The following SGCD variants were observed in gnomAD, a reference collection of about 807,000 sequenced individuals.
SGCD encodes sarcoglycan delta.
Under a neutral mutation model 36.6 loss-of-function variants are expected in SGCD, and 18 were observed. That is an observed-to-expected ratio of 0.49 (90% CI 0.34 to 0.73). SGCD has a LOEUF of 0.73. Among genes scored for constraint, SGCD ranks in the 30% least tolerant of loss-of-function variants. SGCD has a pLI of 0.01. For missense variants in SGCD, 387 were observed against 346.7 expected (o/e 1.12, Z -0.92); for synonymous variants, 133 against 130.6 (o/e 1.02, Z -0.12).
rs914102842 is a variant in SGCD, at chr5:156,764,243, C to A, written c.*4853C>A. 4.6e-5 allele frequency: 7 copies of A among 152,572 alleles called. No homozygotes were observed. Among genetic ancestry groups the A allele is most frequent in the African/African-American group, 1.7e-4 (7 of 41,436 alleles). 9.5% of individuals were successfully genotyped at this position (152,572 alleles called of 1,614,324 possible). A position where few individuals can be genotyped will look rare whatever the true frequency, so the allele number is the denominator to read the frequency against. On this transcript the variant is annotated 3_prime_UTR_variant, in exon 9 of 9. Coordinates refer to ENST00000337851, the MANE Select transcript of SGCD (RefSeq NM_000337.6). ...ATCACTATCTCCGTGGTGGAAGGTT[C>A]CCCTAGTTCCAACATATTTCCATTA...
intron 3 of SGCD, among the ~76,000 whole-genome samples, chr5:156,240,078 T>A (rs1765271062): frequency 6.6e-6 from 1 of 152,178 alleles, no homozygotes; most frequent in Admixed American, 6.5e-5. Flanking sequence ...CCTTACCCAG[T>A]GCTGTGCTTT....
At chr5:156,723,353 G>A (rs938058205) in intron 7 of SGCD, among the ~76,000 whole-genome samples, 3 of 152,136 alleles carry the variant, frequency 2.0e-5, no homozygotes, top group African/African-American at 4.8e-5. Context: ...GAGTTTCAAC[G>A]GTGAGCATTC....
intron 3 of SGCD, among the ~76,000 whole-genome samples, chr5:156,228,750 G>A (rs1050607497): frequency 1.4e-5 from 2 of 146,658 alleles, no homozygotes; most frequent in Non-Finnish European, 1.5e-5. Flanking sequence ...TCATAGATTC[G>A]GTGAGATTTA....
intron 3 of SGCD, among the ~76,000 whole-genome samples, chr5:156,223,687 T>G (rs938378251): frequency 3.9e-5 from 6 of 151,974 alleles, no homozygotes; most frequent in Non-Finnish European, 7.4e-5. Context: ...GGGCTGACAT[T>G]AGTGATGCCT....
chr5:156,676,196 T>C (rs1753500948), intron 7 of SGCD, among the ~76,000 whole-genome samples: 1 of 152,228 alleles, frequency 6.6e-6, no homozygotes, highest in South Asian at 2.1e-4. Context: ...TTGTGTTCTT[T>C]ACCCTGAAAG....
intron 6 of SGCD, among the ~76,000 whole-genome samples, chr5:156,630,215 C>G (rs1762581800): frequency 6.6e-6 from 1 of 152,102 alleles, no homozygotes; most frequent in Non-Finnish European, 1.5e-5. Flanking sequence ...ATACAAATGC[C>G]AAAGACTGGA....
intron 1 of SGCD, among the ~76,000 whole-genome samples, chr5:155,874,456 G>A (rs1755723897): frequency 6.6e-6 from 1 of 151,790 alleles, no homozygotes; most frequent in Admixed American, 6.6e-5. Context: ...TAAAAGCCTC[G>A]GTTAAAAAAA....
chr5:156,146,298 A>G (rs988667670), intron 3 of SGCD, among the ~76,000 whole-genome samples: 3 of 152,220 alleles, frequency 2.0e-5, no homozygotes, highest in Non-Finnish European at 2.9e-5. Flanking sequence ...TCATCTTAGC[A>G]TACTACCTGG....
chr5:155,936,832 C>T (rs1388178352), intron 1 of SGCD, among the ~76,000 whole-genome samples: 1 of 152,226 alleles, frequency 6.6e-6, no homozygotes, highest in Non-Finnish European at 1.5e-5. Flanking sequence ...CAGCTCTGAG[C>T]TGCCCCCACT....
intron 3 of SGCD, among the ~76,000 whole-genome samples, chr5:156,320,244 G>T (rs982072747): frequency 2.0e-5 from 3 of 152,056 alleles, no homozygotes; most frequent in African/African-American, 4.8e-5. Context: ...CCCATCAGTT[G>T]TGTCTTGTAC....
intron 6 of SGCD, among the ~76,000 whole-genome samples, chr5:156,644,244 A>G (rs1219085788): frequency 6.6e-6 from 1 of 152,122 alleles, no homozygotes; most frequent in African/African-American, 2.4e-5. Flanking sequence ...TTTTGTGTCT[A>G]GTGTTTCTCC....
At chr5:156,505,163 G>A (rs917672444) in intron 3 of SGCD, among the ~76,000 whole-genome samples, 6 of 152,150 alleles carry the variant, frequency 3.9e-5, no homozygotes, top group African/African-American at 1.4e-4. Flanking sequence ...TTGGACATCC[G>A]CATTGCCGTG....
chr5:156,367,027 C>T (rs553306350), intron 3 of SGCD, among the ~76,000 whole-genome samples: 1 of 152,244 alleles, frequency 6.6e-6, no homozygotes, highest in Admixed American at 6.5e-5. Flanking sequence ...TTTGTGCCAG[C>T]CAACTAATAG....
chr5:156,309,560 T>C (rs188332992), intron 3 of SGCD, among the ~76,000 whole-genome samples: 230 of 151,860 alleles, frequency 1.5e-3, no homozygotes, highest in African/African-American at 5.4e-3. Context: ...TCATACATAA[T>C]TTCCTTGACT....
the SGCD span, among the ~76,000 whole-genome samples, chr5:155,813,606 T>C: frequency 6.6e-6 from 1 of 152,226 alleles, no homozygotes; most frequent in Non-Finnish European, 1.5e-5. Flanking sequence ...TTGTTGAGTT[T>C]GGCATCCTGC....
intron 1 of SGCD, among the ~76,000 whole-genome samples, chr5:156,083,773 G>T (rs549291598): frequency 7.7e-4 from 114 of 147,352 alleles, no homozygotes; most frequent in Admixed American, 1.8e-3. Context: ...TTTAGATCAG[G>T]TTTTTTTTTT....
chr5:156,330,850 G>A (rs541299154), intron 2 of SGCD, among the ~76,000 whole-genome samples: 20 of 152,174 alleles, frequency 1.3e-4, no homozygotes, highest in Non-Finnish European at 2.8e-4. Flanking sequence ...TGCCTCAAAC[G>A]AAGACTGGGG....
At chr5:156,444,109 TCTCTCTCCCCTTCC>T (rs1561699381) in intron 3 of SGCD, among the ~76,000 whole-genome samples, 6 of 96,984 alleles carry the variant, frequency 6.2e-5, no homozygotes, top group Non-Finnish European at 9.4e-5. Context: ...TCTCTCTCTC[TCTCTCTCCCCTTCC>T]CTCTCTCTCT....
the SGCD span, among the ~76,000 whole-genome samples, chr5:155,828,678 AT>A: frequency 9.1e-4 from 133 of 145,884 alleles, no homozygotes; most frequent in African/African-American, 2.4e-3. Context: ...TTTACTTTTT[AT>A]TTTTTTTTTT....
Sources: allele counts gnomAD v4.1 joint callset (sites outside exome capture counted in the v4.1 genomes callset), GRCh38; gene constraint gnomAD v4.1.1; transcripts MANE v1.5; gene names NCBI Gene and HGNC (gene_info 2026-07-23, HGNC 2026-07-21).